HNMT: variants seen among roughly 807,000 people sequenced by gnomAD.
HNMT encodes the protein histamine N-methyltransferase.
HNMT carries 30 observed loss-of-function variants against 32.1 expected under a neutral mutation model. The ratio of observed to expected loss-of-function variants is 0.93; its 90% CI spans 0.70 to 1.27. HNMT has a LOEUF of 1.27. Ranked by LOEUF, HNMT falls within the 50% of genes most tolerant of loss-of-function variation. The pLI, the probability that HNMT is intolerant of heterozygous loss-of-function variation, is 0.00. For synonymous variants in HNMT, 125 were observed against 119.0 expected (o/e 1.05, Z -0.33); for missense variants, 327 against 346.0 (o/e 0.95, Z 0.43).
intron 1 of HNMT, among the ~76,000 whole-genome samples, chr2:137,968,150 G>T (rs1465957122): frequency 6.6e-6 from 1 of 152,112 alleles, no homozygotes; most frequent in Non-Finnish European, 1.5e-5. Flanking sequence ...CCTATTTGAG[G>T]GTAGATGGTG....
chr2:138,010,599 C>A (rs1681474514), intron 5 of HNMT, among the ~76,000 whole-genome samples: 1 of 151,918 alleles, frequency 6.6e-6, no homozygotes, highest in Non-Finnish European at 1.5e-5. Context: ...ATTTACTGGT[C>A]AGCTTATGGA....
chr2:137,980,037 GTT>G (rs1275439077), intron 2 of HNMT, among the ~76,000 whole-genome samples: 7 of 139,712 alleles, frequency 5.0e-5, no homozygotes, highest in Non-Finnish European at 3.1e-5. Flanking sequence ...CCTGTAACAG[GTT>G]TTTTTTTTTT....
chr2:138,000,841 A>C (rs1262842490), intron 2 of HNMT, 77 bp from the exon 3 acceptor site: 2 of 729,408 alleles, frequency 2.7e-6, no homozygotes, highest in Non-Finnish European at 4.6e-6. Flanking sequence ...GGTAGGGCAG[A>C]TAATAAATCA....
At chr2:138,013,642 A>G in intron 5 of HNMT, 133 bp from the exon 6 acceptor site, 3 of 644,338 alleles carry the variant, frequency 4.7e-6, no homozygotes, top group Non-Finnish European at 8.0e-6. Flanking sequence ...CTCCTCCTGT[A>G]CTCCTTGAAA....
chr2:138,013,010 G>T (rs1312706200), intron 5 of HNMT, among the ~76,000 whole-genome samples: 1 of 151,994 alleles, frequency 6.6e-6, no homozygotes, highest in Non-Finnish European at 1.5e-5. Flanking sequence ...CTTATTAAAT[G>T]TATATTGAGT....
At chr2:137,970,613 T>C (rs1037397926) in intron 2 of HNMT, among the ~76,000 whole-genome samples, 6 of 152,148 alleles carry the variant, frequency 3.9e-5, no homozygotes, top group East Asian at 3.9e-4. Context: ...TATTGGTCCA[T>C]GTGAAGATCT....
intron 5 of HNMT, among the ~76,000 whole-genome samples, chr2:138,009,126 G>C (rs1375012776): frequency 6.6e-6 from 1 of 151,856 alleles, no homozygotes; most frequent in African/African-American, 2.4e-5. Flanking sequence ...ACAGAGATGT[G>C]GCCAAGAAGC....
chr2:137,984,633 A>G (rs1322875053), intron 2 of HNMT, among the ~76,000 whole-genome samples: 1 of 152,164 alleles, frequency 6.6e-6, no homozygotes, highest in African/African-American at 2.4e-5. Flanking sequence ...TTGATTTTTG[A>G]TACTTGTTGG....
At position 137,985,735 on chromosome 2, in the gene HNMT, T is replaced by C. The variant is rs144233768; in HGVS notation, c.191-15183T>C. Among the ~76,000 whole-genome samples the C allele has an allele frequency of 2.5e-3, 376 of 152,278 alleles. 2 individuals carry two copies. Among genetic ancestry groups the C allele is most frequent in the African/African-American group, 8.5e-3 (355 of 41,544 alleles). On this transcript the variant is annotated intron_variant, in intron 2 of 5. Coordinates refer to ENST00000280097, the MANE Select transcript of HNMT (RefSeq NM_006895.3). ...CAGTTCTTTGAGTCACCAGATAAAGTTCATATATGATATAAGGTATAGTCA... is the reference window on the plus strand; with the variant it reads ...CAGTTCTTTGAGTCACCAGATAAAGCTCATATATGATATAAGGTATAGTCA...
At chr2:138,011,036 A>G (rs948540429) in intron 5 of HNMT, among the ~76,000 whole-genome samples, 3 of 151,996 alleles carry the variant, frequency 2.0e-5, no homozygotes, top group African/African-American at 7.2e-5. Context: ...TCTGGCTTAC[A>G]TCATGTTGAA....
intron 2 of HNMT, among the ~76,000 whole-genome samples, chr2:137,998,988 C>CT (rs139331149): frequency 0.02 from 2,980 of 152,128 alleles, 90 homozygotes; most frequent in African/African-American, 0.068. Flanking sequence ...TCTTAGTTGT[C>CT]TTTTTTTCCC....
chr2:137,969,020 C>T (rs1354279810), intron 1 of HNMT, among the ~76,000 whole-genome samples: 2 of 152,196 alleles, frequency 1.3e-5, no homozygotes, highest in Admixed American at 6.5e-5. Flanking sequence ...CCATTGCCAT[C>T]TGACTTCAGT....
intron 2 of HNMT, among the ~76,000 whole-genome samples, chr2:137,990,289 AT>A (rs905927524): frequency 3.3e-4 from 50 of 152,058 alleles, no homozygotes; most frequent in Non-Finnish European, 6.3e-4. Flanking sequence ...GTCTAGATTC[AT>A]TTTTTTGCAG....
chr2:138,005,564 G>A (rs1212287042), intron 5 of HNMT, among the ~76,000 whole-genome samples: 1 of 151,934 alleles, frequency 6.6e-6, no homozygotes, highest in Non-Finnish European at 1.5e-5. Flanking sequence ...CCTACTTCGT[G>A]TCATTTGAGT....
chr2:137,967,432 C>T (rs1471003), intron 1 of HNMT: 267,847 of 274,684 alleles, frequency 0.98, 130,933 homozygotes, highest in East Asian at 1. Flanking sequence ...TCAAATGCTA[C>T]TCAAAATTCT....
intron 2 of HNMT, among the ~76,000 whole-genome samples, chr2:137,979,326 A>T (rs1279922309): frequency 1.3e-5 from 2 of 151,628 alleles, no homozygotes; most frequent in Non-Finnish European, 2.9e-5. Flanking sequence ...GCTGGAGTGC[A>T]GTGGTGTGAT....
intron 4 of HNMT, among the ~76,000 whole-genome samples, chr2:138,003,143 G>C (rs1242862594): frequency 6.7e-6 from 1 of 149,078 alleles, no homozygotes; most frequent in Non-Finnish European, 1.5e-5. Flanking sequence ...TAGATGACGA[G>C]TTAGTGGGTG....
At chr2:137,996,235 CTGTT>C (rs1680989919) in intron 2 of HNMT, among the ~76,000 whole-genome samples, 1 of 152,222 alleles carries the variant, frequency 6.6e-6, no homozygotes, top group Non-Finnish European at 1.5e-5. Flanking sequence ...CAAATTGTCT[CTGTT>C]TGTAGACAAC....
intron 2 of HNMT, among the ~76,000 whole-genome samples, chr2:137,974,203 T>C (rs1680218667): frequency 6.6e-6 from 1 of 152,156 alleles, no homozygotes; most frequent in African/African-American, 2.4e-5. Context: ...AAGTTATGCA[T>C]GTATGTTCAT....
Sources: gnomAD v4.1 joint callset for allele counts (sites outside exome capture counted in the v4.1 genomes callset) on GRCh38, gnomAD v4.1.1 for gene constraint, MANE v1.5 for transcripts, NCBI Gene and HGNC (gene_info 2026-07-23, HGNC 2026-07-21) for gene names.